CSMD3: variants seen among roughly 807,000 people sequenced by gnomAD.
CSMD3 encodes the protein CUB and sushi domain-containing protein 3.
A neutral mutation model predicts 435.2 loss-of-function variants in CSMD3; 177 were observed. The ratio of observed to expected loss-of-function variants is 0.41; its 90% CI spans 0.36 to 0.46. The LOEUF is 0.46. CSMD3 is among the 20% of genes least tolerant of loss of function. CSMD3 has a pLI of 0.34. For synonymous variants in CSMD3, 1,656 were observed against 1,520.5 expected (o/e 1.09, Z -2.07); for missense variants, 4,265 against 4,504.6 (o/e 0.95, Z 1.52).
intron 5 of CSMD3, among the ~76,000 whole-genome samples, chr8:113,070,989 T>A (rs2089087429): frequency 6.6e-6 from 1 of 152,064 alleles, no homozygotes; most frequent in Non-Finnish European, 1.5e-5. Context: ...ACTAATCTTT[T>A]GTCCTTTATC....
intron 59 of CSMD3, among the ~76,000 whole-genome samples, chr8:112,275,742 A>G (rs191818748): frequency 6.6e-6 from 1 of 152,272 alleles, no homozygotes; most frequent in East Asian, 1.9e-4. Flanking sequence ...ACATGAGACA[A>G]GTATGGGAGA....
chr8:112,933,664 T>C (rs1180608624), intron 9 of CSMD3, among the ~76,000 whole-genome samples: 1 of 152,142 alleles, frequency 6.6e-6, no homozygotes, highest in African/African-American at 2.4e-5. Flanking sequence ...ACTATTTATA[T>C]TTGAGGAGTT....
intron 27 of CSMD3, among the ~76,000 whole-genome samples, chr8:112,526,453 T>C (rs1824976428): frequency 6.6e-6 from 1 of 151,974 alleles, no homozygotes; most frequent in Non-Finnish European, 1.5e-5. Flanking sequence ...ACCACTTAGT[T>C]CAATTATTTC....
chr8:112,739,147 T>C (rs1563912682), intron 13 of CSMD3, among the ~76,000 whole-genome samples: 1 of 151,808 alleles, frequency 6.6e-6, no homozygotes, highest in Non-Finnish European at 1.5e-5. Context: ...ATTAAGAAAG[T>C]ATTTTGTAAC....
chr8:112,504,053 T>G, intron 29 of CSMD3, 76 bp from the exon 30 acceptor site: 1 of 909,562 alleles, frequency 1.1e-6, no homozygotes, highest in South Asian at 1.5e-5. Context: ...ACCATAATAG[T>G]TATATAATCA....
intron 61 of CSMD3, among the ~76,000 whole-genome samples, chr8:112,261,322 A>T (rs1030953844): frequency 8.5e-5 from 13 of 152,094 alleles, no homozygotes; most frequent in Admixed American, 2.6e-4. Flanking sequence ...CATAACTTGC[A>T]TTAAATTATA....
intron 56 of CSMD3, 79 bp from the exon 57 acceptor site, chr8:112,289,617 T>C (rs1283334739): frequency 6.6e-6 from 6 of 903,296 alleles, no homozygotes; most frequent in Non-Finnish European, 1.0e-5. Context: ...TTATAGAACA[T>C]ACCAGAAGTA....
At chr8:112,892,455 A>G (rs1040216472) in intron 10 of CSMD3, among the ~76,000 whole-genome samples, 58 of 151,548 alleles carry the variant, frequency 3.8e-4, no homozygotes, top group African/African-American at 1.2e-3. Flanking sequence ...AAAATAATTT[A>G]TTATGGTATC....
intron 18 of CSMD3, among the ~76,000 whole-genome samples, 185 bp downstream of exon 18, chr8:112,655,969 A>G (rs573795894): frequency 6.6e-6 from 1 of 152,214 alleles, no homozygotes; most frequent in Admixed American, 6.5e-5. Flanking sequence ...TTAGATAGAT[A>G]TTGCTGGAAA....
At chr8:112,406,936 T>A (rs1450533454) in intron 34 of CSMD3, among the ~76,000 whole-genome samples, 1 of 152,000 alleles carries the variant, frequency 6.6e-6, no homozygotes, top group Non-Finnish European at 1.5e-5. Flanking sequence ...GGTTTTTTAT[T>A]AGAAAAGTTT....
chr8:112,336,792 G>A lies in CSMD3; in HGVS notation c.6879C>T (p.Thr2293=), dbSNP rs1416622290. 2 of 1,613,434 alleles carry A rather than the reference G, an allele frequency of 1.2e-6. No homozygotes were observed. The highest frequency in any genetic ancestry group is 1.7e-6 in the Non-Finnish European group (2 of 1,179,564). ...CGGNITAMNG[T]IYSPGYPDEY... ...CATCAGGATACCCAGGAGAATAAAT[G>A]GTGCCATTCATTGCAGTTATATTCC... Residue 2293 remains threonine, a synonymous_variant, in exon 44 of 71, where the codon ACC becomes ACT. Coordinates refer to ENST00000297405, the MANE Select transcript of CSMD3 (RefSeq NM_198123.2).
Position 112,518,627 on chromosome 8 carries a change from T to TGAGA in CSMD3, c.4565-1403_4565-1402insTCTC, listed in dbSNP as rs202097926. On this transcript the variant is annotated intron_variant, in intron 27 of 70. Transcript: ENST00000297405. ...AAAATGGTGTGTGTGTGTGTGTGTG[T>TGAGA]GTGAGAGAGAGAGAGAGAGAGAGAG... 7.0e-3 allele frequency among the ~76,000 whole-genome samples: 933 copies of TGAGA among 133,002 alleles called. 5 individuals carry two copies. Among genetic ancestry groups the TGAGA allele is most frequent in the East Asian group, 0.012 (52 of 4,408 alleles). 87.3% of individuals were successfully genotyped at this position (133,002 alleles called of 152,430 possible).
At chr8:113,248,062 A>T (rs1178618601) in intron 3 of CSMD3, among the ~76,000 whole-genome samples, 1 of 152,074 alleles carries the variant, frequency 6.6e-6, no homozygotes, top group African/African-American at 2.4e-5. Flanking sequence ...CTCTCAAGAA[A>T]TTCATAGAAC....
At chr8:112,955,018 A>T (rs1381509883) in intron 7 of CSMD3, among the ~76,000 whole-genome samples, 1 of 151,580 alleles carries the variant, frequency 6.6e-6, no homozygotes, top group Non-Finnish European at 1.5e-5. Context: ...GCTTTTTTAA[A>T]CTGTCCAGAT....
chr8:113,301,577 C>T (rs890878737), intron 2 of CSMD3, among the ~76,000 whole-genome samples: 4 of 151,370 alleles, frequency 2.6e-5, no homozygotes, highest in Non-Finnish European at 4.4e-5. Context: ...TGGCAAGGGT[C>T]TATATTCTAT....
At chr8:113,373,424 G>A (rs1295925384) in intron 1 of CSMD3, among the ~76,000 whole-genome samples, 1 of 151,832 alleles carries the variant, frequency 6.6e-6, no homozygotes, top group East Asian at 1.9e-4. Flanking sequence ...ACACAGGCTC[G>A]CTCACAATAT....
chr8:113,429,966 T>A (rs796475316), intron 1 of CSMD3, among the ~76,000 whole-genome samples: 14 of 152,268 alleles, frequency 9.2e-5, no homozygotes, highest in African/African-American at 3.4e-4. Context: ...CATTAATCAA[T>A]CCCTATTAAA....
At chr8:113,299,354 T>G (rs1331412287) in intron 2 of CSMD3, among the ~76,000 whole-genome samples, 2 of 152,344 alleles carry the variant, frequency 1.3e-5, no homozygotes, top group Admixed American at 1.3e-4. Flanking sequence ...AATAGCTATT[T>G]GTGTTATATT....
At chr8:113,399,106 T>TATATATATATATATATACACAC (rs773585004) in intron 1 of CSMD3, among the ~76,000 whole-genome samples, 10 of 95,048 alleles carry the variant, frequency 1.1e-4, no homozygotes, top group East Asian at 3.4e-4. Context: ...TATATATATA[T>TATATATATATATATATACACAC]ACACACACAC....
Sources: gnomAD v4.1 joint callset for allele counts (sites outside exome capture counted in the v4.1 genomes callset) on GRCh38, gnomAD v4.1.1 for gene constraint, MANE v1.5 for transcripts, NCBI Gene and HGNC (gene_info 2026-07-23, HGNC 2026-07-21) for gene names.